Variants in CDKAL1 observed in about 807,000 individuals in gnomAD.
CDKAL1 encodes threonylcarbamoyladenosine tRNA methylthiotransferase.
In CDKAL1, 32 loss-of-function variants were observed where a neutral mutation model predicts 68.2. The observed-to-expected ratio is 0.47, with a 90% CI of 0.35 to 0.63. The LOEUF is 0.63. Ranked by LOEUF, CDKAL1 falls within the 30% of genes least tolerant of loss-of-function variation. The probability of loss-of-function intolerance (pLI) is 0.00; values close to 1 mark genes in which losing one functional copy is unlikely to be tolerated. For synonymous variants in CDKAL1, 234 were observed against 244.3 expected (o/e 0.96, Z 0.39); for missense variants, 606 against 696.7 (o/e 0.87, Z 1.47).
chr6:21,085,057 G>A (rs1475312085), intron 12 of CDKAL1, among the ~76,000 whole-genome samples: 2 of 152,186 alleles, frequency 1.3e-5, no homozygotes, highest in Non-Finnish European at 2.9e-5. Flanking sequence ...CAAACCTAAA[G>A]ACTACTGTGA....
chr6:20,611,577 T>C (rs1246620481), intron 4 of CDKAL1, among the ~76,000 whole-genome samples: 1 of 152,226 alleles, frequency 6.6e-6, no homozygotes, highest in South Asian at 2.1e-4. Flanking sequence ...ATTACTGTTA[T>C]GCTCTTGGAT....
At chr6:20,835,069 C>A (rs1777874227) in intron 8 of CDKAL1, among the ~76,000 whole-genome samples, 2 of 152,092 alleles carry the variant, frequency 1.3e-5, no homozygotes, top group South Asian at 4.1e-4. Flanking sequence ...ACCAATTTAT[C>A]CTGCATACTA....
At position 20,724,418 on chromosome 6, in the gene CDKAL1, GC is replaced by G. The variant is rs1447433643; in HGVS notation, c.372-15099del. On this transcript the variant is annotated intron_variant, in intron 5 of 15. Transcript: ENST00000274695. ...AACAAAGTTTAATTCTGATTACATG[GC>G]CAATTCTAAATTTGAGACCAGGTAC... Among the ~76,000 whole-genome samples, 9 of 152,042 alleles carry G rather than the reference GC, an allele frequency of 5.9e-5. No individual in the cohort carries two copies. In the South Asian group the frequency reaches 1.2e-3, roughly 21 times the overall value.
At chr6:20,691,904 A>G (rs1770886788) in intron 5 of CDKAL1, among the ~76,000 whole-genome samples, 1 of 152,170 alleles carries the variant, frequency 6.6e-6, no homozygotes, top group Admixed American at 6.5e-5. Flanking sequence ...TATGTAATAT[A>G]CACAACCAAT....
intron 5 of CDKAL1, among the ~76,000 whole-genome samples, chr6:20,681,888 T>G (rs1325924656): frequency 6.6e-6 from 1 of 152,170 alleles, no homozygotes; most frequent in Non-Finnish European, 1.5e-5. Flanking sequence ...AGAAATTTAA[T>G]TCTCACAATA....
intron 9 of CDKAL1, among the ~76,000 whole-genome samples, chr6:20,878,174 A>G (rs991325261): frequency 6.6e-6 from 1 of 152,168 alleles, no homozygotes; most frequent in African/African-American, 2.4e-5. Context: ...ACTAGACTGT[A>G]AGATGATTTT....
At chr6:20,738,759 A>G (rs1422761466) in intron 5 of CDKAL1, among the ~76,000 whole-genome samples, 1 of 152,216 alleles carries the variant, frequency 6.6e-6, no homozygotes, top group Admixed American at 6.5e-5. Context: ...TTGGCCTCCC[A>G]AAGTGTTGGG....
chr6:20,962,002 C>T (rs547498042), intron 10 of CDKAL1, among the ~76,000 whole-genome samples: 3 of 152,280 alleles, frequency 2.0e-5, no homozygotes, highest in East Asian at 1.9e-4. Context: ...AAGAGACTTG[C>T]GTGTCTCAAA....
intron 11 of CDKAL1, among the ~76,000 whole-genome samples, chr6:21,015,182 A>G (rs940521066): frequency 6.6e-6 from 1 of 152,208 alleles, no homozygotes; most frequent in Non-Finnish European, 1.5e-5. Flanking sequence ...TGGAGAGGAG[A>G]AACTCAAATT....
chr6:21,217,620 C>T (rs1363609797), intron 15 of CDKAL1, among the ~76,000 whole-genome samples: 1 of 152,106 alleles, frequency 6.6e-6, no homozygotes, highest in Non-Finnish European at 1.5e-5. Flanking sequence ...GCCTCAGCCT[C>T]CCAAGTAGCT....
intron 8 of CDKAL1, among the ~76,000 whole-genome samples, chr6:20,784,550 G>A (rs1208157080): frequency 2.7e-5 from 4 of 146,012 alleles, no homozygotes; most frequent in Non-Finnish European, 4.5e-5. Flanking sequence ...TCAGCCTCCC[G>A]AGTAGCTGGG....
chr6:21,211,368 CAGGTT>C (rs1214045067), intron 15 of CDKAL1, among the ~76,000 whole-genome samples: 1 of 152,196 alleles, frequency 6.6e-6, no homozygotes, highest in Non-Finnish European at 1.5e-5. Flanking sequence ...TCGTCCAAGA[CAGGTT>C]AGGCTGCGCT....
At chr6:20,827,354 G>T (rs566022525) in intron 8 of CDKAL1, among the ~76,000 whole-genome samples, 1 of 152,094 alleles carries the variant, frequency 6.6e-6, no homozygotes, top group African/African-American at 2.4e-5. Context: ...AGTACCTGGC[G>T]CTGCCCTATA....
intron 9 of CDKAL1, among the ~76,000 whole-genome samples, chr6:20,897,681 A>G (rs868291091): frequency 6.6e-6 from 1 of 152,158 alleles, no homozygotes; most frequent in African/African-American, 2.4e-5. Flanking sequence ...GTCTTCGTGT[A>G]TGTGTAGAAA....
intron 13 of CDKAL1, among the ~76,000 whole-genome samples, chr6:21,140,414 C>T (rs559135160): frequency 1.3e-5 from 2 of 152,278 alleles, no homozygotes; most frequent in South Asian, 2.1e-4. Flanking sequence ...ACATCTTGGA[C>T]GTGCCTGATG....
chr6:21,099,740 T>G (rs1456052571), intron 12 of CDKAL1, among the ~76,000 whole-genome samples: 1 of 152,264 alleles, frequency 6.6e-6, no homozygotes, highest in Non-Finnish European at 1.5e-5. Context: ...TGAACCATTG[T>G]GCGGTATGTG....
intron 11 of CDKAL1, among the ~76,000 whole-genome samples, chr6:21,014,031 T>G (rs1768162856): frequency 6.6e-6 from 1 of 152,100 alleles, no homozygotes; most frequent in South Asian, 2.1e-4. Context: ...TGCTGAAAAT[T>G]CAACCTCCAC....
chr6:21,166,217 G>C (rs1253322130), intron 13 of CDKAL1, among the ~76,000 whole-genome samples: 1 of 152,148 alleles, frequency 6.6e-6, no homozygotes, highest in African/African-American at 2.4e-5. Context: ...AGCCTGCCAT[G>C]TTCAGATAAC....
intron 12 of CDKAL1, among the ~76,000 whole-genome samples, chr6:21,084,838 G>A (rs895581141): frequency 6.6e-5 from 10 of 152,170 alleles, no homozygotes; most frequent in Non-Finnish European, 1.5e-4. Flanking sequence ...GTAGTTGATG[G>A]ATTCCTTCCC....
Sources: allele counts gnomAD v4.1 joint callset (sites outside exome capture counted in the v4.1 genomes callset), GRCh38; gene constraint gnomAD v4.1.1; transcripts MANE v1.5; gene names NCBI Gene and HGNC (gene_info 2026-07-23, HGNC 2026-07-21).